EXOC4: variants seen among roughly 807,000 people sequenced by gnomAD.
EXOC4 encodes the protein SEC8-like 1.
A neutral mutation model predicts 107.2 loss-of-function variants in EXOC4; 71 were observed. The observed-to-expected ratio is 0.66, with a 90% CI of 0.55 to 0.81. The LOEUF (loss-of-function observed/expected upper bound fraction) is 0.81, where lower values mean the gene tolerates loss of function less well. EXOC4 is among the 30% of genes least tolerant of loss of function. The probability of loss-of-function intolerance (pLI) is 0.00; values close to 1 mark genes in which losing one functional copy is unlikely to be tolerated. For missense variants in EXOC4, 1,108 were observed against 1,189.6 expected (o/e 0.93, Z 1.01); for synonymous variants, 456 against 441.2 (o/e 1.03, Z -0.42).
At chr7:133,321,127 G>A (rs2150586691) in intron 5 of EXOC4, among the ~76,000 whole-genome samples, 1 of 152,292 alleles carries the variant, frequency 6.6e-6, no homozygotes, top group East Asian at 1.9e-4. Context: ...TCCCTGGGGA[G>A]TATGGCTCTC....
chr7:134,073,205 CAAAA>C, the EXOC4 span, among the ~76,000 whole-genome samples: 4 of 22,598 alleles, frequency 1.8e-4, no homozygotes, highest in Admixed American at 1.0e-3. Flanking sequence ...GACTTCCTCT[CAAAA>C]AAAAAAAAAA....
intron 11 of EXOC4, among the ~76,000 whole-genome samples, chr7:133,853,397 C>CACACA (rs1554409539): frequency 1.1e-4 from 14 of 121,814 alleles, no homozygotes; most frequent in South Asian, 2.8e-4. Context: ...CACACACACA[C>CACACA]AACTTTTTAG....
intron 17 of EXOC4, among the ~76,000 whole-genome samples, chr7:134,061,835 T>A (rs757334127): frequency 1.3e-5 from 2 of 152,206 alleles, no homozygotes; most frequent in Non-Finnish European, 2.9e-5. Context: ...ATTAATATGA[T>A]GCTTCTTCCT....
chr7:133,765,830 T>C (rs570900728), intron 10 of EXOC4, among the ~76,000 whole-genome samples: 1 of 152,104 alleles, frequency 6.6e-6, no homozygotes, highest in South Asian at 2.1e-4. Flanking sequence ...TTTATTTCCC[T>C]ACTCTCTCTT....
At chr7:133,409,671 G>A (rs1045348983) in intron 7 of EXOC4, among the ~76,000 whole-genome samples, 6 of 152,100 alleles carry the variant, frequency 3.9e-5, no homozygotes, top group Non-Finnish European at 4.4e-5. Context: ...CATTTGGCAG[G>A]CTGTGGTCAT....
intron 10 of EXOC4, among the ~76,000 whole-genome samples, chr7:133,651,835 C>T (rs1803162033): frequency 2.0e-5 from 3 of 152,134 alleles, no homozygotes; most frequent in Admixed American, 6.5e-5. Context: ...CAGGCATGCA[C>T]GACCACACCT....
At chr7:133,641,335 A>T (rs1192070096) in intron 10 of EXOC4, among the ~76,000 whole-genome samples, 1 of 152,190 alleles carries the variant, frequency 6.6e-6, no homozygotes, top group Non-Finnish European at 1.5e-5. Flanking sequence ...AATTGGATGG[A>T]TATTGAATAT....
intron 17 of EXOC4, among the ~76,000 whole-genome samples, chr7:134,015,137 G>C (rs1794871968): frequency 1.3e-5 from 2 of 152,144 alleles, no homozygotes; most frequent in African/African-American, 4.8e-5. Context: ...GTCAGGGCTG[G>C]CTTTGGGTAA....
chr7:133,679,906 C>T (rs1414733379), intron 10 of EXOC4, among the ~76,000 whole-genome samples: 1 of 152,140 alleles, frequency 6.6e-6, no homozygotes, highest in African/African-American at 2.4e-5. Flanking sequence ...TTTAGAGTGG[C>T]TAACAAATGA....
At chr7:133,365,196 AGTACTAAGAACAACAAAGCACTT>A (rs1796225950) in intron 6 of EXOC4, among the ~76,000 whole-genome samples, 1 of 152,192 alleles carries the variant, frequency 6.6e-6, no homozygotes, top group African/African-American at 2.4e-5. Context: ...GGAACAATAT[AGTACTAAGAACAACAAAGCACTT>A]GTACTAAGAA....
chr7:134,006,523 G>A (rs2116336098), intron 16 of EXOC4, among the ~76,000 whole-genome samples: 1 of 152,242 alleles, frequency 6.6e-6, no homozygotes, highest in East Asian at 1.9e-4. Context: ...GCTGAAGCAA[G>A]ACCTGAATGC....
intron 10 of EXOC4, among the ~76,000 whole-genome samples, chr7:133,797,281 G>A (rs1796837175): frequency 6.6e-6 from 1 of 152,112 alleles, no homozygotes; most frequent in Non-Finnish European, 1.5e-5. Context: ...GTGAGCATAT[G>A]TTACTTTTTA....
intron 17 of EXOC4, among the ~76,000 whole-genome samples, chr7:134,046,298 A>G (rs1295404525): frequency 6.6e-6 from 1 of 152,078 alleles, no homozygotes. Flanking sequence ...CCTGGCCAAC[A>G]TGGTGAAACC....
At position 133,630,337 on chromosome 7, in the gene EXOC4, A is replaced by C. The variant is rs561196452; in HGVS notation, c.1514+196A>C. The C allele has an allele frequency of 1.3e-5, 7 of 518,708 alleles. No individual in the cohort carries two copies. In the East Asian group the frequency reaches 2.0e-4, roughly 15 times the overall value. The allele number at this position is 518,708 out of a possible 1,614,324, so 32.1% of individuals were successfully genotyped here. On this transcript the variant is annotated intron_variant, in intron 10 of 17. Transcript: ENST00000253861. ...CACTGAGTAGCTACTTATTTTCAGGAGTAAATACTTTTATTTGATTTTCTT... is the reference window on the plus strand; with the variant it reads ...CACTGAGTAGCTACTTATTTTCAGGCGTAAATACTTTTATTTGATTTTCTT...
At chr7:133,989,924 G>A (rs1794209940) in intron 14 of EXOC4, among the ~76,000 whole-genome samples, 1 of 152,138 alleles carries the variant, frequency 6.6e-6, no homozygotes, top group African/African-American at 2.4e-5. Flanking sequence ...ATTGACAAGT[G>A]GTACCGCAAG....
chr7:133,486,329 C>T (rs7793085), intron 9 of EXOC4, among the ~76,000 whole-genome samples: 151,697 of 152,268 alleles, frequency 1, 75,570 homozygotes, highest in Middle Eastern at 1. Context: ...TTATCCATTT[C>T]TACTAAAAGG....
Position 134,042,017 on chromosome 7 carries a change from T to G in EXOC4, c.2688-22274T>G, listed in dbSNP as rs1795531313. On this transcript the variant is annotated intron_variant, in intron 17 of 17. Transcript: ENST00000253861. ...GGTTTGTGTACCCTGATTGCGATCATATAATATGTAGCAGCATTTGTGGGG... is the reference window on the plus strand; with the variant it reads ...GGTTTGTGTACCCTGATTGCGATCAGATAATATGTAGCAGCATTTGTGGGG... 2.0e-5 allele frequency among the ~76,000 whole-genome samples: 3 copies of G among 152,114 alleles called. No homozygotes were observed. The South Asian group carries it at 6.2e-4, about 32-fold the overall frequency.
chr7:134,036,610 T>A (rs1245516294), intron 17 of EXOC4, among the ~76,000 whole-genome samples: 1 of 152,100 alleles, frequency 6.6e-6, no homozygotes, highest in Non-Finnish European at 1.5e-5. Context: ...AGAGAGAGAA[T>A]TCTCAGAACT....
intron 13 of EXOC4, among the ~76,000 whole-genome samples, chr7:133,931,488 T>A (rs1036310606): frequency 6.6e-6 from 1 of 152,138 alleles, no homozygotes; most frequent in Admixed American, 6.5e-5. Flanking sequence ...AATAAAAAAG[T>A]TAACTATTTA....
Sources: gnomAD v4.1 joint callset for allele counts (sites outside exome capture counted in the v4.1 genomes callset) on GRCh38, gnomAD v4.1.1 for gene constraint, MANE v1.5 for transcripts, NCBI Gene and HGNC (gene_info 2026-07-23, HGNC 2026-07-21) for gene names.